TMEM178A: variants seen among roughly 807,000 people sequenced by gnomAD.
TMEM178A encodes transmembrane protein 178A.
Under a neutral mutation model 29.1 loss-of-function variants are expected in TMEM178A, and 12 were observed. The observed-to-expected ratio is 0.41, with a 90% CI of 0.26 to 0.67. The LOEUF is 0.67. Among genes scored for constraint, TMEM178A ranks in the 30% least tolerant of loss-of-function variants. The pLI is 0.29. For synonymous variants in TMEM178A, 210 were observed against 187.2 expected, an observed-to-expected ratio of 1.12 and a Z score of -0.99; for missense variants, 366 against 419.1, an observed-to-expected ratio of 0.87 and a Z score of 1.11.
At chr2:39,681,868 A>T (rs1331057629) in intron 1 of TMEM178A, among the ~76,000 whole-genome samples, 2 of 152,212 alleles carry the variant, frequency 1.3e-5, no homozygotes, top group African/African-American at 4.8e-5. Context: ...GGAGAATAAC[A>T]TTGGAACTGC....
chr2:39,726,300 G>C, the TMEM178A span, among the ~76,000 whole-genome samples: 1 of 152,206 alleles, frequency 6.6e-6, no homozygotes, highest in Non-Finnish European at 1.5e-5. Flanking sequence ...CATTTGCACA[G>C]AGAGCCTGAG....
In TMEM178A at chr2:39,704,088, G is replaced by A. The variant is rs148502563; in HGVS notation, c.408G>A (p.Ala136=). Reference sequence around the variant, plus strand: ...TTTCTTATTTCCTTCAAGGTATTGCGCAGCGATGCACGGCCATCAAGTACC... The same window carrying A: ...TTTCTTATTTCCTTCAAGGTATTGCACAGCGATGCACGGCCATCAAGTACC... ...DIDTLILKGI[A]QRCTAIKYHF... is the part of the protein sequence containing the mutation. The change falls in exon 2 of 4, where the codon GCG becomes GCA. Residue 136 remains alanine, a synonymous_variant. Coordinates refer to ENST00000281961, the MANE Select transcript of TMEM178A (RefSeq NM_152390.3). 644 of 1,613,850 alleles carry A rather than the reference G, an allele frequency of 4.0e-4. 2 individuals are homozygous for A. The African/African-American group carries it at 6.6e-3, about 17-fold the overall frequency.
At chr2:39,691,240 A>G (rs1388353203) in intron 1 of TMEM178A, among the ~76,000 whole-genome samples, 1 of 152,244 alleles carries the variant, frequency 6.6e-6, no homozygotes, top group Non-Finnish European at 1.5e-5. Flanking sequence ...TAATAGGCTG[A>G]ACATCAAGAG....
intron 1 of TMEM178A, among the ~76,000 whole-genome samples, chr2:39,679,881 C>A (rs1336381060): frequency 6.6e-6 from 1 of 152,136 alleles, no homozygotes; most frequent in African/African-American, 2.4e-5. Flanking sequence ...CACTGAACCA[C>A]CCTGCTGCTG....
intron 1 of TMEM178A, among the ~76,000 whole-genome samples, chr2:39,684,916 G>A (rs1671009439): frequency 6.6e-6 from 1 of 152,170 alleles, no homozygotes; most frequent in African/African-American, 2.4e-5. Flanking sequence ...ACCCGGCTGA[G>A]TTTGACAAAG....
chr2:39,678,450 A>G (rs1235639265), intron 1 of TMEM178A, among the ~76,000 whole-genome samples: 2 of 152,178 alleles, frequency 1.3e-5, no homozygotes, highest in Non-Finnish European at 2.9e-5. Flanking sequence ...GACCTTAAAA[A>G]CACTATGCTC....
the TMEM178A span, among the ~76,000 whole-genome samples, chr2:39,726,967 T>C: frequency 1.3e-5 from 2 of 152,316 alleles, no homozygotes; most frequent in Middle Eastern, 3.4e-3. Flanking sequence ...TTGAACATAA[T>C]TCATGGAATT....
intron 1 of TMEM178A, among the ~76,000 whole-genome samples, chr2:39,695,707 G>C (rs764514774): frequency 1.3e-5 from 2 of 151,882 alleles, no homozygotes; most frequent in African/African-American, 2.4e-5. Flanking sequence ...AGATGGTAGG[G>C]GTCTAGAGTC....
intron 1 of TMEM178A, among the ~76,000 whole-genome samples, chr2:39,700,835 A>G (rs1370434884): frequency 6.9e-6 from 1 of 145,932 alleles, no homozygotes; most frequent in Admixed American, 6.8e-5. Flanking sequence ...TTTACTACAT[A>G]TTTTTTTTTT....
At chr2:39,710,130 C>G (rs376176069) in intron 3 of TMEM178A, among the ~76,000 whole-genome samples, 1 of 152,072 alleles carries the variant, frequency 6.6e-6, no homozygotes, top group Non-Finnish European at 1.5e-5. Flanking sequence ...TCCTCAGGAT[C>G]GAGCACGGGA....
At chr2:39,718,792 T>C (rs901141850), downstream of TMEM178A, among the ~76,000 whole-genome samples, 3 of 152,226 alleles carry the variant, frequency 2.0e-5, no homozygotes, top group African/African-American at 7.2e-5. Flanking sequence ...CGCCGACTTC[T>C]AAGCTTTTCC....
chr2:39,693,687 A>G (rs530016409), intron 1 of TMEM178A, among the ~76,000 whole-genome samples: 2 of 152,170 alleles, frequency 1.3e-5, no homozygotes, highest in Non-Finnish European at 2.9e-5. Flanking sequence ...ACATAAAATT[A>G]TATCTTCTCT....
intron 1 of TMEM178A, among the ~76,000 whole-genome samples, chr2:39,703,417 C>T (rs1384178162): frequency 1.3e-5 from 2 of 152,148 alleles, no homozygotes; most frequent in Non-Finnish European, 2.9e-5. Context: ...AATGTGTACA[C>T]CTGCCCATAT....
Position 39,665,974 on chromosome 2 carries a change from C to T in TMEM178A, c.-1C>T. 21 of 1,364,356 alleles carry T rather than the reference C, an allele frequency of 1.5e-5. No individual in the cohort carries two copies. The highest frequency in any genetic ancestry group is 1.8e-5 in the Non-Finnish European group (19 of 1,060,204). The allele number at this position is 1,364,356 out of a possible 1,614,324, so 84.5% of individuals were successfully genotyped here. On this transcript the variant is annotated 5_prime_UTR_variant, in exon 1 of 4. Transcript: ENST00000281961. ...CGGCGGCTGCGGCGGGGCGGGAAGC[C>T]ATGGAGCCGCGGGCGCTCGTCACGG...
the TMEM178A span, among the ~76,000 whole-genome samples, chr2:39,723,167 C>G: frequency 6.6e-6 from 1 of 152,210 alleles, no homozygotes; most frequent in Admixed American, 6.5e-5. Flanking sequence ...GTGATGAACA[C>G]ATAAATACTT....
chr2:39,683,979 A>T (rs1670971546), intron 1 of TMEM178A, among the ~76,000 whole-genome samples: 1 of 152,348 alleles, frequency 6.6e-6, no homozygotes. Context: ...TTATTTGGTT[A>T]TCTTAATTAT....
chr2:39,695,954 T>G (rs955987218), intron 1 of TMEM178A, among the ~76,000 whole-genome samples: 24 of 152,212 alleles, frequency 1.6e-4, no homozygotes, highest in Non-Finnish European at 3.5e-4. Flanking sequence ...TACATAATTA[T>G]ATCATAGCAA....
At chr2:39,682,779 A>G (rs1393736380) in intron 1 of TMEM178A, among the ~76,000 whole-genome samples, 2 of 152,338 alleles carry the variant, frequency 1.3e-5, no homozygotes, top group African/African-American at 4.8e-5. Context: ...ATGAGGATGA[A>G]AGCAGGGCAA....
At chr2:39,734,949 T>C in the TMEM178A span, among the ~76,000 whole-genome samples, 1 of 152,212 alleles carries the variant, frequency 6.6e-6, no homozygotes, top group Non-Finnish European at 1.5e-5. Flanking sequence ...GTTACCACCC[T>C]GGGGCAAGCT....
Sources: allele counts gnomAD v4.1 joint callset (sites outside exome capture counted in the v4.1 genomes callset), GRCh38; gene constraint gnomAD v4.1.1; transcripts MANE v1.5; gene names NCBI Gene and HGNC (gene_info 2026-07-23, HGNC 2026-07-21).